Variants in LIPG observed in about 807,000 individuals in gnomAD.
The protein encoded by LIPG is lipase G, endothelial type.
LIPG carries 34 observed loss-of-function variants against 51.8 expected under a neutral mutation model. The ratio of observed to expected loss-of-function variants is 0.66; its 90% CI spans 0.50 to 0.87. The LOEUF (loss-of-function observed/expected upper bound fraction) is 0.87. Ranked by LOEUF, LIPG falls within the 40% of genes least tolerant of loss-of-function variation. The pLI, the probability that LIPG is intolerant of heterozygous loss-of-function variation, is 0.00. For synonymous variants in LIPG, 246 were observed against 246.1 expected (o/e 1.00, Z 0.00); for missense variants, 580 against 652.7 (o/e 0.89, Z 1.21).
intron 4 of LIPG, among the ~76,000 whole-genome samples, chr18:49,573,180 C>A (rs940101426): frequency 6.6e-6 from 1 of 152,200 alleles, no homozygotes; most frequent in Non-Finnish European, 1.5e-5. Flanking sequence ...AAGTAAAGAG[C>A]CTCTCTCTTG....
Position 49,578,698 on chromosome 18 carries a change from C to T in LIPG, c.794-2717C>T, listed in dbSNP as rs1162863512. Among the ~76,000 whole-genome samples the T allele has an allele frequency of 3.4e-3, 503 of 149,986 alleles. 2 individuals carry two copies. The highest frequency in any genetic ancestry group is 3.9e-3 in the Admixed American group (59 of 15,158). ...GCTGGGAGGTGTAGGTTGTAGTGAG[C>T]CGAGATCACGCCACTGCACTCCAGC... On this transcript the variant is annotated intron_variant, in intron 5 of 9. Coordinates refer to ENST00000261292, the MANE Select transcript of LIPG (RefSeq NM_006033.4).
intron 5 of LIPG, among the ~76,000 whole-genome samples, chr18:49,580,908 T>C (rs912831873): frequency 2.0e-5 from 3 of 152,200 alleles, no homozygotes; most frequent in Non-Finnish European, 4.4e-5. Context: ...GCAGCATGAA[T>C]GGCCTTAAAT....
chr18:49,577,027 T>A (rs932953690), intron 5 of LIPG, among the ~76,000 whole-genome samples: 12 of 148,564 alleles, frequency 8.1e-5, no homozygotes, highest in African/African-American at 3.0e-4. Flanking sequence ...TATTTATTTA[T>A]TTTTTTTTTA....
chr18:49,581,974 A>C, intron 6 of LIPG: 1 of 585,546 alleles, frequency 1.7e-6, no homozygotes, highest in Non-Finnish European at 3.0e-6. Flanking sequence ...CCTGAGGCAG[A>C]TGAACAGGGG....
At chr18:49,580,075 A>G (rs2084802265) in intron 5 of LIPG, among the ~76,000 whole-genome samples, 2 of 152,106 alleles carry the variant, frequency 1.3e-5, no homozygotes, top group Admixed American at 6.5e-5. Flanking sequence ...TGGCCTCCCA[A>G]AGTGCTGGGA....
At chr18:49,561,976 G>A, upstream of LIPG, 1 of 1,398,432 alleles carries the variant, frequency 7.2e-7, no homozygotes, top group Non-Finnish European at 9.3e-7. Flanking sequence ...CCAGAGACGG[G>A]AATAAATTAT....
intron 7 of LIPG, 134 bp downstream of exon 7, chr18:49,582,616 T>C: frequency 2.6e-6 from 3 of 1,153,728 alleles, no homozygotes; most frequent in Non-Finnish European, 2.6e-6. Flanking sequence ...AGGAGCCAGG[T>C]GGTCTAGCTG....
intron 1 of LIPG, among the ~76,000 whole-genome samples, chr18:49,562,728 T>C (rs61267283): frequency 0.046 from 7,010 of 151,706 alleles, 295 homozygotes; most frequent in African/African-American, 0.12. Flanking sequence ...GCAGCAGCTC[T>C]GAAACCTTGT....
intron 4 of LIPG, among the ~76,000 whole-genome samples, chr18:49,575,097 C>T (rs1466141220): frequency 7.2e-5 from 11 of 152,108 alleles, no homozygotes; most frequent in Admixed American, 3.3e-4. Context: ...GGCTAGTTGA[C>T]GGGGTTTGGC....
At chr18:49,564,965 G>A (rs1311262706) in intron 1 of LIPG, among the ~76,000 whole-genome samples, 1 of 152,128 alleles carries the variant, frequency 6.6e-6, no homozygotes, top group Non-Finnish European at 1.5e-5. Flanking sequence ...AACTCACCTG[G>A]TCCCAAGCAT....
At position 49,597,280 on chromosome 18, in the gene LIPG, T is replaced by TTCAG. The variant is rs2084987591; in HGVS notation, c.*6758_*6759insTCAG. On this transcript the variant is annotated 3_prime_UTR_variant, in exon 10 of 10. Transcript: ENST00000261292. Reference sequence around the variant, plus strand: ...GATTTTCACAGTTGATTTCATTTCTTCCCTCCTGAACTTACAGAGCCTTTC... The same window carrying TTCAG: ...GATTTTCACAGTTGATTTCATTTCTTTCAGCCCTCCTGAACTTACAGAGCCTTTC... 1 of 152,150 alleles carries TTCAG rather than the reference T, an allele frequency of 6.6e-6. No individual in the cohort carries two copies. The highest frequency in any genetic ancestry group is 1.5e-5 in the Non-Finnish European group (1 of 68,056). The allele number at this position is 152,150 out of a possible 1,614,324, so 9.4% of individuals were successfully genotyped here.
chr18:49,588,510 A>G (rs1236905091), intron 9 of LIPG, among the ~76,000 whole-genome samples: 2 of 151,972 alleles, frequency 1.3e-5, no homozygotes, highest in African/African-American at 2.4e-5. Flanking sequence ...ATGTTGGCCA[A>G]GTTGGTCTCA....
intron 7 of LIPG, 104 bp from the exon 8 acceptor site, chr18:49,583,452 C>G (rs2084845574): frequency 6.7e-6 from 6 of 900,430 alleles, no homozygotes; most frequent in Non-Finnish European, 1.1e-5. Context: ...CACACTGTCT[C>G]TCTCCTGTCT....
In LIPG at chr18:49,594,994, G is replaced by A. The variant is rs1439679043; in HGVS notation, c.*4472G>A. 1 of 152,224 alleles carries A rather than the reference G, an allele frequency of 6.6e-6. No individual in the cohort carries two copies. Among genetic ancestry groups the A allele is most frequent in the Non-Finnish European group, 1.5e-5 (1 of 68,046 alleles). 9.4% of individuals were successfully genotyped at this position (152,224 alleles called of 1,614,324 possible). On this transcript the variant is annotated 3_prime_UTR_variant, in exon 10 of 10. Coordinates refer to ENST00000261292, the MANE Select transcript of LIPG (RefSeq NM_006033.4). ...GGTTCAGTTACTAGTTAGAGTCAGG[G>A]GAACTTCCACAGGACTTCCTTTGAC... is the stretch of plus-strand genomic sequence containing the variant.
At chr18:49,590,203 GT>G in intron 9 of LIPG, 1 of 491,336 alleles carries the variant, frequency 2.0e-6, no homozygotes, top group African/African-American at 2.0e-5. Context: ...GTGTGTGTGT[GT>G]GTGTATGTTG....
intron 9 of LIPG, 155 bp from the exon 10 acceptor site, chr18:49,590,346 T>C (rs1184431621): frequency 7.2e-6 from 6 of 831,870 alleles, no homozygotes; most frequent in Middle Eastern, 2.5e-4. Flanking sequence ...ACTCGGGACC[T>C]TGTCCATTTA....
intron 4 of LIPG, among the ~76,000 whole-genome samples, chr18:49,573,736 G>A (rs2084686952): frequency 1.3e-5 from 2 of 152,144 alleles, no homozygotes; most frequent in South Asian, 4.2e-4. Context: ...ACCATCTCAA[G>A]TCTCCTGATA....
Position 49,593,648 on chromosome 18 carries a change from G to C in LIPG, c.*3126G>C, listed in dbSNP as rs1260960163. ...CTTAGTTTTTCACTGTGCCATTCAT[G>C]GGGTATTCCTCGCATCCCCACAGCC... On this transcript the variant is annotated 3_prime_UTR_variant, in exon 10 of 10. Coordinates refer to ENST00000261292, the MANE Select transcript of LIPG (RefSeq NM_006033.4). 2.0e-5 allele frequency: 3 copies of C among 152,200 alleles called. No individual in the cohort carries two copies. The highest frequency in any genetic ancestry group is 2.9e-5 in the Non-Finnish European group (2 of 68,058). 9.4% of individuals were successfully genotyped at this position (152,200 alleles called of 1,614,324 possible).
intron 7 of LIPG, among the ~76,000 whole-genome samples, chr18:49,583,323 G>A (rs9951026): frequency 0.49 from 74,489 of 151,878 alleles, 18,703 homozygotes; most frequent in Middle Eastern, 0.63. Context: ...CCCAGGAATC[G>A]TTTTGATAAG....
Sources: gnomAD v4.1 joint callset for allele counts (sites outside exome capture counted in the v4.1 genomes callset) on GRCh38, gnomAD v4.1.1 for gene constraint, MANE v1.5 for transcripts, NCBI Gene and HGNC (gene_info 2026-07-23, HGNC 2026-07-21) for gene names.